Variants in ASTN2 observed in about 807,000 individuals in gnomAD.
ASTN2 encodes astrotactin-2.
Under a neutral mutation model 139.8 loss-of-function variants are expected in ASTN2, and 54 were observed. The ratio of observed to expected loss-of-function variants is 0.39; its 90% CI spans 0.31 to 0.48. The LOEUF is 0.48. ASTN2 is among the 20% of genes least tolerant of loss of function. The pLI, the probability that ASTN2 is intolerant of heterozygous loss-of-function variation, is 0.95. For missense variants in ASTN2, 1,565 were observed against 1,725.1 expected, an observed-to-expected ratio of 0.91 and a Z score of 1.64; for synonymous variants, 756 against 719.5, an observed-to-expected ratio of 1.05 and a Z score of -0.81.
chr9:117,326,179 A>T (rs1488842235), intron 1 of ASTN2, among the ~76,000 whole-genome samples: 3 of 151,510 alleles, frequency 2.0e-5, no homozygotes, highest in African/African-American at 7.3e-5. Context: ...TTTTTTTTTT[A>T]ATTTAACAAA....
chr9:116,978,980 C>A (rs911313778), intron 7 of ASTN2, among the ~76,000 whole-genome samples: 1 of 152,134 alleles, frequency 6.6e-6, no homozygotes, highest in Non-Finnish European at 1.5e-5. Context: ...AACTATCACC[C>A]TTAATTCTGG....
intron 3 of ASTN2, among the ~76,000 whole-genome samples, chr9:117,148,207 C>A (rs1485520851): frequency 2.0e-5 from 3 of 152,226 alleles, no homozygotes; most frequent in Admixed American, 2.0e-4. Flanking sequence ...AGTATCAACT[C>A]TCCATGTGCA....
In ASTN2 at chr9:117,005,080, AT is replaced by A. The variant is rs35759848; in HGVS notation, c.1591+3011del. 6.4e-3 allele frequency among the ~76,000 whole-genome samples: 481 copies of A among 74,616 alleles called. 2 individuals are homozygous for A. Among genetic ancestry groups the A allele is most frequent in the African/African-American group, 0.019 (338 of 17,860 alleles). The allele number at this position is 74,616 out of a possible 152,430, so 49.0% of individuals were successfully genotyped here. ...AATTTGAGTTGTGGACCTGTAGTCG[AT>A]TTTTTTTTTTTTTTTTTTTTTTTGA... On this transcript the variant is annotated intron_variant, in intron 7 of 22. Coordinates refer to ENST00000313400, the MANE Select transcript of ASTN2 (RefSeq NM_001365068.1).
At chr9:117,337,695 T>G (rs750058589) in intron 1 of ASTN2, among the ~76,000 whole-genome samples, 10 of 152,184 alleles carry the variant, frequency 6.6e-5, no homozygotes, top group Non-Finnish European at 1.0e-4. Context: ...TGAGGTATCA[T>G]GGAGAGAAAA....
intron 11 of ASTN2, among the ~76,000 whole-genome samples, chr9:116,843,212 G>T (rs1279592602): frequency 1.3e-5 from 2 of 152,120 alleles, no homozygotes; most frequent in African/African-American, 4.8e-5. Context: ...TGGTGGATTG[G>T]ATTTAAAAAA....
chr9:117,145,867 C>T (rs1424491439), intron 3 of ASTN2, among the ~76,000 whole-genome samples: 2 of 152,060 alleles, frequency 1.3e-5, no homozygotes, highest in African/African-American at 4.8e-5. Context: ...TAAAGGTCAG[C>T]CTCTTTCCAT....
chr9:116,654,420 C>T (rs1414872769), intron 16 of ASTN2, among the ~76,000 whole-genome samples: 1 of 152,096 alleles, frequency 6.6e-6, no homozygotes, highest in Non-Finnish European at 1.5e-5. Context: ...AATGATCCAA[C>T]CACATAGGAA....
intron 5 of ASTN2, among the ~76,000 whole-genome samples, chr9:117,064,065 T>C (rs1827857607): frequency 6.6e-6 from 1 of 151,978 alleles, no homozygotes; most frequent in African/African-American, 2.4e-5. Flanking sequence ...TTTCTAATTA[T>C]CTCCCTTTAT....
At chr9:117,125,960 T>C (rs1217191828) in intron 4 of ASTN2, among the ~76,000 whole-genome samples, 1 of 152,196 alleles carries the variant, frequency 6.6e-6, no homozygotes, top group Non-Finnish European at 1.5e-5. Context: ...ATTTTTACCA[T>C]GTGATGGGGA....
intron 19 of ASTN2, among the ~76,000 whole-genome samples, chr9:116,589,155 A>G (rs1201020362): frequency 1.3e-5 from 2 of 152,222 alleles, no homozygotes; most frequent in African/African-American, 4.8e-5. Flanking sequence ...CTGTAGTTCA[A>G]CATACTGGTT....
In ASTN2 at chr9:116,954,389, T is replaced by C. The variant is rs149408673; in HGVS notation, c.1889+20819A>G. Among the ~76,000 whole-genome samples, 1,081 of 152,314 alleles carry C rather than the reference T, an allele frequency of 7.1e-3. 5 individuals are homozygous for C. The highest frequency in any genetic ancestry group is 0.011 in the Non-Finnish European group (727 of 68,024). On this transcript the variant is annotated intron_variant, in intron 10 of 22. Coordinates refer to ENST00000313400, the MANE Select transcript of ASTN2 (RefSeq NM_001365068.1). ...CAGATTCTAATTTAGTTTGTCTAGA[T>C]TGGGGCCTGATAATCTACATTTCAA...
At chr9:116,737,084 C>T (rs549888872) in intron 13 of ASTN2, among the ~76,000 whole-genome samples, 1 of 152,274 alleles carries the variant, frequency 6.6e-6, no homozygotes, top group East Asian at 1.9e-4. Context: ...TGACAGTTAG[C>T]CAGCCAATAT....
At chr9:117,019,645 G>A (rs1379177117) in intron 6 of ASTN2, among the ~76,000 whole-genome samples, 1 of 152,056 alleles carries the variant, frequency 6.6e-6, no homozygotes, top group East Asian at 1.9e-4. Flanking sequence ...AGGACCCAGG[G>A]TGGCTGAGGT....
intron 1 of ASTN2, among the ~76,000 whole-genome samples, chr9:117,365,459 G>A (rs772630542): frequency 2.6e-5 from 4 of 152,140 alleles, no homozygotes; most frequent in South Asian, 2.1e-4. Context: ...GTCTCAGCTC[G>A]TCATTGTCTC....
chr9:117,207,007 C>T (rs1831948562), intron 3 of ASTN2, among the ~76,000 whole-genome samples: 1 of 152,174 alleles, frequency 6.6e-6, no homozygotes, highest in South Asian at 2.1e-4. Flanking sequence ...CCAGAACAGC[C>T]AAGCAGCCAA....
chr9:116,502,639 A>G (rs1401155847), intron 19 of ASTN2, among the ~76,000 whole-genome samples: 1 of 151,060 alleles, frequency 6.6e-6, no homozygotes, highest in Admixed American at 6.6e-5. Context: ...GGTCAGAAAG[A>G]CCAAGACCAA....
chr9:117,089,555 G>A (rs940689914), intron 5 of ASTN2, among the ~76,000 whole-genome samples: 13 of 149,364 alleles, frequency 8.7e-5, no homozygotes, highest in African/African-American at 2.7e-4. Flanking sequence ...ATAGGTTATT[G>A]GGGTACAGGT....
In ASTN2 at chr9:117,414,354, A is replaced by G; in HGVS notation, c.442+143T>C. ...ATGCTCGTTTCCAACCACCTGTGCG[A>G]CCTCTGGGCCCCTCCTCTACCCTCT... is the stretch of plus-strand genomic sequence containing the variant. On this transcript the variant is annotated intron_variant, in intron 1 of 22. Transcript: ENST00000313400. The surrounding 1 kb of genome is among the most constrained non-coding windows in gnomAD (Gnocchi z 4.2). The G allele has an allele frequency of 2.2e-6, 3 of 1,338,730 alleles. No homozygotes were observed. The highest frequency in any genetic ancestry group is 2.9e-6 in the Non-Finnish European group (3 of 1,018,662). 82.9% of individuals were successfully genotyped at this position (1,338,730 alleles called of 1,614,324 possible). A position where few individuals can be genotyped will look rare whatever the true frequency, so the allele number is the denominator to read the frequency against.
chr9:117,191,348 A>C (rs1831343842), intron 3 of ASTN2, among the ~76,000 whole-genome samples: 1 of 152,158 alleles, frequency 6.6e-6, no homozygotes. Context: ...AAAATGCAAG[A>C]TAGAAAACAA....
Sources: allele counts gnomAD v4.1 joint callset (sites outside exome capture counted in the v4.1 genomes callset), GRCh38; gene constraint gnomAD v4.1.1; non-coding constraint Gnocchi (gnomAD v3.1); transcripts MANE v1.5; gene names NCBI Gene and HGNC (gene_info 2026-07-23, HGNC 2026-07-21).